The following KNTC1 variants were observed in gnomAD, a reference collection of about 807,000 sequenced individuals.
KNTC1 encodes the protein kinetochore-associated protein 1.
In KNTC1, 253 loss-of-function variants were observed where a neutral mutation model predicts 314.4. The ratio of observed to expected loss-of-function variants is 0.80; its 90% CI spans 0.73 to 0.89. KNTC1 has a LOEUF of 0.89. Among genes scored for constraint, KNTC1 ranks in the 40% least tolerant of loss-of-function variants. KNTC1 has a pLI of 0.00. For synonymous variants in KNTC1, 901 were observed against 901.4 expected (o/e 1.00, Z 0.01); for missense variants, 2,475 against 2,572.9 (o/e 0.96, Z 0.82).
intron 22 of KNTC1, 35 bp from the exon 23 acceptor site, chr12:122,570,841 C>T: frequency 7.7e-7 from 1 of 1,301,422 alleles, no homozygotes; most frequent in Non-Finnish European, 1.1e-6. Flanking sequence ...AGTGATTATC[C>T]ATTAAGAATT....
At chr12:122,532,179 G>T (rs1290713325) in intron 2 of KNTC1, among the ~76,000 whole-genome samples, 1 of 149,066 alleles carries the variant, frequency 6.7e-6, no homozygotes, top group African/African-American at 2.5e-5. Flanking sequence ...GATTATAGGC[G>T]CCTGCCACCA....
intron 18 of KNTC1, among the ~76,000 whole-genome samples, chr12:122,560,382 T>G (rs1382269389): frequency 6.6e-6 from 1 of 152,102 alleles, no homozygotes; most frequent in African/African-American, 2.4e-5. Flanking sequence ...TAATTCTGTT[T>G]TTTTGAGACA....
At chr12:122,557,715 T>G (rs1963694593) in intron 18 of KNTC1, 26 bp downstream of exon 18, 1 of 1,545,534 alleles carries the variant, frequency 6.5e-7, no homozygotes, top group Non-Finnish European at 8.9e-7. Flanking sequence ...TGTATTTTGT[T>G]TTTTTGGGGC....
chr12:122,584,991 G>A lies in KNTC1; in HGVS notation c.3534+1G>A, dbSNP rs1263249516. On this transcript the variant is annotated splice_donor_variant, in intron 36 of 63. Transcript: ENST00000333479. LOFTEE classifies it high-confidence loss of function. ...GGATGACTGTGGAATCCTCATGAAA[G>A]TAAGTTACTTTTGAGTTTTTTCCCT... 9.6e-6 allele frequency: 15 copies of A among 1,558,892 alleles called. No individual in the cohort carries two copies. The highest frequency in any genetic ancestry group is 1.3e-5 in the Non-Finnish European group (15 of 1,132,892).
rs139970648 is a variant in KNTC1, at chr12:122,587,610, T to C, written c.3731-101T>C. ...CTGAGAACAAACTCCATGACTATTATCTGTATTGAAGAAGCAGGCTGTCCC... is the reference window on the plus strand; with the variant it reads ...CTGAGAACAAACTCCATGACTATTACCTGTATTGAAGAAGCAGGCTGTCCC... On this transcript the variant is annotated intron_variant, in intron 38 of 63. Coordinates refer to ENST00000333479, the MANE Select transcript of KNTC1 (RefSeq NM_014708.6). The C allele has an allele frequency of 8.7e-4, 755 of 872,262 alleles. 6 individuals carry two copies. The highest frequency in any genetic ancestry group is 1.8e-4 in the Non-Finnish European group (103 of 586,016). The allele number at this position is 872,262 out of a possible 1,614,324, so 54.0% of individuals were successfully genotyped here. A position where few individuals can be genotyped will look rare whatever the true frequency, so the allele number is the denominator to read the frequency against.
At chr12:122,561,746 C>T (rs962113282) in intron 18 of KNTC1, among the ~76,000 whole-genome samples, 175 bp from the exon 19 acceptor site, 1 of 151,988 alleles carries the variant, frequency 6.6e-6, no homozygotes, top group Non-Finnish European at 1.5e-5. Flanking sequence ...GAGCCACTGC[C>T]CCCAGGCAAA....
intron 42 of KNTC1, chr12:122,593,498 C>G (rs1870612768): frequency 6.6e-6 from 1 of 151,998 alleles, no homozygotes; most frequent in African/African-American, 2.4e-5. Flanking sequence ...CTCTTGACCT[C>G]GTGATCCGCC....
intron 3 of KNTC1, among the ~76,000 whole-genome samples, chr12:122,535,388 C>T (rs7485035): frequency 0.2 from 30,521 of 152,060 alleles, 3,526 homozygotes; most frequent in East Asian, 0.46. Context: ...CACCTGTAAT[C>T]CTTGTACTTT....
rs368567165 is a variant in KNTC1, at chr12:122,576,882, T to C, written c.2587-13T>C. The C allele has an allele frequency of 3.0e-5, 47 of 1,543,684 alleles. No homozygotes were observed. Among genetic ancestry groups the C allele is most frequent in the African/African-American group, 4.2e-5 (3 of 71,538 alleles). On this transcript the variant is annotated splice_polypyrimidine_tract_variant and intron_variant, in intron 29 of 63. Coordinates refer to ENST00000333479, the MANE Select transcript of KNTC1 (RefSeq NM_014708.6). Reference sequence around the variant, plus strand: ...GTTCTATAACAAAGAAATGTTCATATTGTCTTTTGCAGAGAGTGGTTAGAT... The same window carrying C: ...GTTCTATAACAAAGAAATGTTCATACTGTCTTTTGCAGAGAGTGGTTAGAT...
intron 24 of KNTC1, among the ~76,000 whole-genome samples, chr12:122,572,493 G>A (rs1964759839): frequency 6.6e-6 from 1 of 152,024 alleles, no homozygotes. Flanking sequence ...CTATATAAGA[G>A]CTTTTTCCTC....
At chr12:122,552,030 A>G (rs1410384987) in intron 16 of KNTC1, among the ~76,000 whole-genome samples, 1 of 151,746 alleles carries the variant, frequency 6.6e-6, no homozygotes, top group Non-Finnish European at 1.5e-5. Flanking sequence ...GCCTCAGCCT[A>G]CCGAGTAGCT....
chr12:122,569,780 A>G lies in KNTC1; in HGVS notation c.1816A>G (p.Asn606Asp), dbSNP rs192844811. The G allele has an allele frequency of 1.3e-4, 207 of 1,613,802 alleles. No homozygotes were observed. The African/African-American group carries it at 2.6e-3, about 20-fold the overall frequency. The stretch of plus-strand genomic sequence containing the variant: ...GCAAAAGCTGTGTCCATGGTTTAAA[A>G]ATGATGTGATTCCATTTGTAAGAAG... ...SLQKLCPWFK[N>D]DVIPFVRRTV... Residue 606 changes from asparagine (N) to aspartate (D), a missense_variant, in exon 22 of 64, where the codon AAT becomes GAT. By Grantham distance (23) the Asn-to-Asp change is conservative (BLOSUM62 1). Transcript: ENST00000333479.
At chr12:122,601,651 A>G in intron 45 of KNTC1, 26 bp downstream of exon 45, 1 of 1,449,658 alleles carries the variant, frequency 6.9e-7, no homozygotes, top group Non-Finnish European at 9.1e-7. Context: ...CAAAGATGTA[A>G]AAATCATCTT....
chr12:122,588,718 G>T lies in KNTC1; in HGVS notation c.3901G>T (p.Gly1301Ter). The T allele has an allele frequency of 6.6e-7, 1 of 1,512,292 alleles. No individual in the cohort carries two copies. Among genetic ancestry groups the T allele is most frequent in the Non-Finnish European group, 8.8e-7 (1 of 1,130,356 alleles). 93.7% of individuals were successfully genotyped at this position (1,512,292 alleles called of 1,614,324 possible). Residue 1301 changes from glycine to a stop codon, truncating the protein, a stop_gained, in exon 40 of 64, where the codon GGA (glycine) becomes TGA (stop). Transcript: ENST00000333479. LOFTEE classifies it high-confidence loss of function. ...TTTTCTTCTTTTCTAAAAGTTATTT[G>T]GAGAGACTACATTAGTTAAATCAAG... ...MNATLSEKLF[G>*]ETTLVKSRHV...
chr12:122,546,040 A>G (rs1962733860), intron 8 of KNTC1, 136 bp from the exon 9 acceptor site: 1 of 638,104 alleles, frequency 1.6e-6, no homozygotes, highest in Non-Finnish European at 2.8e-6. Flanking sequence ...GAACTGGAAG[A>G]TGAAACCTAG....
At position 122,611,513 on chromosome 12, in the gene KNTC1, A is replaced by C. The variant is rs972537671; in HGVS notation, c.5622+613A>C. ...CTCCCCTTATATTCTCTACATATAA[A>C]GACTTACGACCTAAAAATGGTATTC... On this transcript the variant is annotated intron_variant, in intron 53 of 63. Coordinates refer to ENST00000333479, the MANE Select transcript of KNTC1 (RefSeq NM_014708.6). 4 of 152,480 alleles carry C rather than the reference A, an allele frequency of 2.6e-5. No individual in the cohort carries two copies. The East Asian group carries it at 7.7e-4, about 29-fold the overall frequency. The allele number at this position is 152,480 out of a possible 1,614,324, so 9.4% of individuals were successfully genotyped here.
intron 38 of KNTC1, 38 bp downstream of exon 38, chr12:122,586,795 T>C: frequency 3.5e-6 from 2 of 570,690 alleles, no homozygotes. Context: ...TCTATTAATA[T>C]TTATTTATTT....
intron 29 of KNTC1, 79 bp from the exon 30 acceptor site, chr12:122,576,816 A>G: frequency 8.3e-7 from 1 of 1,204,654 alleles, no homozygotes; most frequent in Non-Finnish European, 1.1e-6. Context: ...TTTTTTTGCC[A>G]CTTTGCTCTT....
At chr12:122,598,447 G>T (rs1871362511) in intron 44 of KNTC1, among the ~76,000 whole-genome samples, 2 of 121,342 alleles carry the variant, frequency 1.6e-5, no homozygotes, top group African/African-American at 6.0e-5. Context: ...TTGAGACAAG[G>T]TCTTGCTCTG....
Sources: allele counts gnomAD v4.1 joint callset (sites outside exome capture counted in the v4.1 genomes callset), GRCh38; gene constraint gnomAD v4.1.1; transcripts MANE v1.5; gene names NCBI Gene and HGNC (gene_info 2026-07-23, HGNC 2026-07-21).